The following MITF variants were observed in gnomAD, a reference collection of about 807,000 sequenced individuals.
MITF encodes the protein microphthalmia-associated transcription factor.
Under a neutral mutation model 60.5 loss-of-function variants are expected in MITF, and 17 were observed. The ratio of observed to expected loss-of-function variants is 0.28; its 90% CI spans 0.19 to 0.42. The LOEUF (loss-of-function observed/expected upper bound fraction) is 0.42, where lower values mean the gene tolerates loss of function less well. Ranked by LOEUF, MITF falls within the 10% of genes least tolerant of loss-of-function variation. The probability of loss-of-function intolerance (pLI) is 1.00; values close to 1 mark genes in which losing one functional copy is unlikely to be tolerated. For missense variants in MITF, 622 were observed against 683.5 expected (o/e 0.91, Z 1.00); for synonymous variants, 260 against 248.5 (o/e 1.05, Z -0.43).
chr3:69,963,970 CTTTTTTTT>C (rs56921812), intron 9 of MITF, among the ~76,000 whole-genome samples: 5 of 86,124 alleles, frequency 5.8e-5, no homozygotes, highest in African/African-American at 9.6e-5. Flanking sequence ...TTTTTCTTTT[CTTTTTTTT>C]TTTTTTTTTT....
chr3:69,787,135 G>T (rs752508609), intron 1 of MITF, among the ~76,000 whole-genome samples: 1 of 152,128 alleles, frequency 6.6e-6, no homozygotes, highest in East Asian at 1.9e-4. Flanking sequence ...AGCTCAAACC[G>T]TTCTTATTGG....
At chr3:69,744,289 C>T (rs1216791029) in intron 1 of MITF, among the ~76,000 whole-genome samples, 2 of 152,164 alleles carry the variant, frequency 1.3e-5, no homozygotes, top group Non-Finnish European at 2.9e-5. Context: ...ACATAATAAT[C>T]CATTCTTGGC....
At chr3:69,936,192 T>G (rs1467607208) in intron 2 of MITF, among the ~76,000 whole-genome samples, 1 of 152,178 alleles carries the variant, frequency 6.6e-6, no homozygotes, top group Non-Finnish European at 1.5e-5. Context: ...TACTAAAAGA[T>G]AGTCATCCTG....
chr3:69,854,410 A>G (rs758575125), intron 1 of MITF, among the ~76,000 whole-genome samples: 2 of 152,204 alleles, frequency 1.3e-5, no homozygotes, highest in South Asian at 2.1e-4. Flanking sequence ...TCTTATGTAC[A>G]TCCTTACATA....
chr3:69,779,515 G>T lies in MITF; in HGVS notation c.104+39814G>T, dbSNP rs532516166. Among the ~76,000 whole-genome samples, 161 of 152,216 alleles carry T rather than the reference G, an allele frequency of 1.1e-3. 1 individual carries two copies. The highest frequency in any genetic ancestry group is 1.9e-3 in the Non-Finnish European group (131 of 67,998). On this transcript the variant is annotated intron_variant, in intron 1 of 9. Transcript: ENST00000352241. The stretch of plus-strand genomic sequence containing the variant: ...CAGGCTTATCACACACATGTAGTGT[G>T]CAAAGTACATTAGAAGTTTTCAGGA...
chr3:69,936,240 C>G (rs1165435647), intron 2 of MITF, among the ~76,000 whole-genome samples: 3 of 152,122 alleles, frequency 2.0e-5, no homozygotes, highest in Admixed American at 2.0e-4. Context: ...TTGGAAAAGT[C>G]TCATGTAATA....
chr3:69,858,390 A>G (rs574328130), intron 1 of MITF, among the ~76,000 whole-genome samples: 1 of 152,254 alleles, frequency 6.6e-6, no homozygotes, highest in South Asian at 2.1e-4. Context: ...GTATGAGAGT[A>G]AGTTTTGAGA....
At chr3:69,859,913 A>G (rs950317077) in intron 1 of MITF, among the ~76,000 whole-genome samples, 4 of 152,204 alleles carry the variant, frequency 2.6e-5, no homozygotes, top group African/African-American at 7.2e-5. Context: ...TTGTAAAGTC[A>G]TCTTGTGAAT....
At chr3:69,828,305 C>T (rs1249732579) in intron 1 of MITF, among the ~76,000 whole-genome samples, 3 of 152,060 alleles carry the variant, frequency 2.0e-5, no homozygotes, top group African/African-American at 7.2e-5. Context: ...AGTGAGCATC[C>T]TTCATTAATC....
At chr3:69,936,592 G>C in intron 2 of MITF, 1 of 1,529,012 alleles carries the variant, frequency 6.5e-7, no homozygotes, top group Non-Finnish European at 8.8e-7. Context: ...TAAAGTTTCC[G>C]GTGGTGTCTC....
chr3:69,829,348 A>T (rs1559656988), intron 1 of MITF, among the ~76,000 whole-genome samples: 1 of 152,216 alleles, frequency 6.6e-6, no homozygotes, highest in Non-Finnish European at 1.5e-5. Context: ...GTGAATTTTG[A>T]CATGGAGTAC....
At chr3:69,857,771 G>A (rs1188228659) in intron 1 of MITF, among the ~76,000 whole-genome samples, 1 of 152,116 alleles carries the variant, frequency 6.6e-6, no homozygotes, top group Non-Finnish European at 1.5e-5. Context: ...TGCATCTTAA[G>A]CCTATTGAAC....
At chr3:69,791,450 A>T (rs2062738668) in intron 1 of MITF, among the ~76,000 whole-genome samples, 1 of 152,236 alleles carries the variant, frequency 6.6e-6, no homozygotes, top group Non-Finnish European at 1.5e-5. Context: ...ATAGTATGGT[A>T]ACAAATCATT....
chr3:69,755,688 A>T (rs1289342958), intron 1 of MITF, among the ~76,000 whole-genome samples: 2 of 151,710 alleles, frequency 1.3e-5, no homozygotes, highest in Non-Finnish European at 2.9e-5. Flanking sequence ...CAGGGGAGAG[A>T]TTTCGATTAT....
At chr3:69,742,673 T>A (rs2106742483) in intron 1 of MITF, among the ~76,000 whole-genome samples, 1 of 152,260 alleles carries the variant, frequency 6.6e-6, no homozygotes, top group East Asian at 1.9e-4. Context: ...TGTGCCTGCC[T>A]CCAGGAGTCT....
chr3:69,845,443 T>C (rs896042733), intron 1 of MITF, among the ~76,000 whole-genome samples: 2 of 82,086 alleles, frequency 2.4e-5, no homozygotes, highest in African/African-American at 7.8e-5. Context: ...TTTTTCTTTC[T>C]TTTTTTTTTT....
At chr3:69,930,779 A>G (rs1213375691) in intron 2 of MITF, among the ~76,000 whole-genome samples, 1 of 152,264 alleles carries the variant, frequency 6.6e-6, no homozygotes, top group Non-Finnish European at 1.5e-5. Context: ...GCTCTAGCCC[A>G]GACTTGTGGC....
chr3:69,793,520 A>ATGCTCATAGCATGCACCCTCTCCCAC (rs2062778012), intron 1 of MITF, among the ~76,000 whole-genome samples: 2 of 152,016 alleles, frequency 1.3e-5, no homozygotes, highest in East Asian at 1.9e-4. Context: ...CCCTCTCCCA[A>ATGCTCATAGCATGCACCCTCTCCCAC]TGCTCATAGC....
intron 1 of MITF, among the ~76,000 whole-genome samples, chr3:69,776,186 C>T (rs2062470667): frequency 6.6e-6 from 1 of 152,066 alleles, no homozygotes; most frequent in Admixed American, 6.6e-5. Flanking sequence ...ACTGTGTGAC[C>T]CTGGGCCACT....
Sources: gnomAD v4.1 joint callset for allele counts (sites outside exome capture counted in the v4.1 genomes callset) on GRCh38, gnomAD v4.1.1 for gene constraint, MANE v1.5 for transcripts, NCBI Gene and HGNC (gene_info 2026-07-23, HGNC 2026-07-21) for gene names.